The following CAND1 variants were observed in gnomAD, a reference collection of about 807,000 sequenced individuals.
CAND1 encodes the protein cullin-associated NEDD8-dissociated protein 1.
Under a neutral mutation model 108.5 loss-of-function variants are expected in CAND1, and 7 were observed. The observed-to-expected ratio is 0.06, with a 90% CI of 0.04 to 0.12. The LOEUF (loss-of-function observed/expected upper bound fraction) is 0.12. Among genes scored for constraint, CAND1 ranks in the 10% least tolerant of loss-of-function variants. The pLI is 1.00. For synonymous variants in CAND1, 534 were observed against 512.0 expected (o/e 1.04, Z -0.58); for missense variants, 941 against 1,448.7 (o/e 0.65, Z 5.69).
Position 67,292,629 on chromosome 12 carries a change from C to T in CAND1, c.220C>T (p.Pro74Ser). The T allele has an allele frequency of 6.2e-7, 1 of 1,607,654 alleles. No homozygotes were observed. Among genetic ancestry groups the T allele is most frequent in the Non-Finnish European group, 8.5e-7 (1 of 1,177,340 alleles). The change falls in exon 3 of 15, where the codon CCT becomes TCT. Residue 74 changes from proline (P) to serine (S), a missense_variant. Pro to Ser is a moderately conservative substitution (Grantham distance 74). Coordinates refer to ENST00000545606, the MANE Select transcript of CAND1 (RefSeq NM_018448.5). ...VQNLAVKCLG[P>S]LVSKVKEYQV... ...TTCTTCTTTGTATTACAGTCTTGGT[C>T]CTTTAGTGAGTAAAGTGAAAGAATA...
chr12:67,301,340 A>G (rs1474298696), intron 7 of CAND1, among the ~76,000 whole-genome samples: 2 of 152,122 alleles, frequency 1.3e-5, no homozygotes, highest in Non-Finnish European at 2.9e-5. Flanking sequence ...AGCTAATTGG[A>G]ATAAAAGCCA....
At position 67,315,410 on chromosome 12, in the gene CAND1, C is replaced by CA. The variant is rs771762556; in HGVS notation, c.*2581dup. The CA allele has an allele frequency of 6.9e-6, 1 of 144,998 alleles. No homozygotes were observed. Among genetic ancestry groups the CA allele is most frequent in the South Asian group, 2.1e-4 (1 of 4,662 alleles). 9.0% of individuals were successfully genotyped at this position (144,998 alleles called of 1,614,324 possible). On this transcript the variant is annotated 3_prime_UTR_variant, in exon 15 of 15. Transcript: ENST00000545606. ...AGCTGGCAGTGAGCCGAGATCACGCCACTGCACTCTGGCCTGGGCAACAGA... is the reference window on the plus strand; with the variant it reads ...AGCTGGCAGTGAGCCGAGATCACGCCAACTGCACTCTGGCCTGGGCAACAGA...
intron 1 of CAND1, among the ~76,000 whole-genome samples, chr12:67,276,853 T>C (rs1388676425): frequency 1.3e-5 from 2 of 152,190 alleles, no homozygotes; most frequent in African/African-American, 4.8e-5. Context: ...TGGCCAAGGG[T>C]AGACAAAGTT....
At chr12:67,311,136 C>G (rs991975895) in intron 13 of CAND1, 1 of 151,818 alleles carries the variant, frequency 6.6e-6, no homozygotes, top group Non-Finnish European at 1.5e-5. Flanking sequence ...TGGTAGTGAC[C>G]TGAGCCTCTC....
chr12:67,317,639 T>A lies in CAND1; in HGVS notation c.*4809T>A, dbSNP rs1387836107. On this transcript the variant is annotated 3_prime_UTR_variant, in exon 15 of 15. Transcript: ENST00000545606. ...CTGTGATTACAGGCGTGTGCCACCATGCCCAGCTAATTTTTGTATTTTTAG... is the reference window on the plus strand; with the variant it reads ...CTGTGATTACAGGCGTGTGCCACCAAGCCCAGCTAATTTTTGTATTTTTAG... 6.6e-6 allele frequency: 1 copy of A among 152,068 alleles called. No individual in the cohort carries two copies. The highest frequency in any genetic ancestry group is 1.9e-4 in the East Asian group (1 of 5,178). The allele number at this position is 152,068 out of a possible 1,614,324, so 9.4% of individuals were successfully genotyped here. A position where few individuals can be genotyped will look rare whatever the true frequency, so the allele number is the denominator to read the frequency against.
At chr12:67,303,854 T>C (rs11176677) in intron 8 of CAND1, among the ~76,000 whole-genome samples, 73,440 of 151,968 alleles carry the variant, frequency 0.48, 19,271 homozygotes, top group Non-Finnish European at 0.59. Flanking sequence ...GAAAAGGACC[T>C]GTTCGATGGT....
chr12:67,316,073 T>C lies in CAND1; in HGVS notation c.*3243T>C, dbSNP rs2045005064. 6.6e-6 allele frequency: 1 copy of C among 152,198 alleles called. No homozygotes were observed. Among genetic ancestry groups the C allele is most frequent in the African/African-American group, 2.4e-5 (1 of 41,452 alleles). The allele number at this position is 152,198 out of a possible 1,614,324, so 9.4% of individuals were successfully genotyped here. A position where few individuals can be genotyped will look rare whatever the true frequency, so the allele number is the denominator to read the frequency against. On this transcript the variant is annotated 3_prime_UTR_variant, in exon 15 of 15. Coordinates refer to ENST00000545606, the MANE Select transcript of CAND1 (RefSeq NM_018448.5). ...TTTTGAAATTAAAGACCTTAAACAT[T>C]TCAGCAAGTAAATTTTGGATTCTAG...
rs201425450 is a variant in CAND1 at position 67,305,612 on chromosome 12, G to A, written c.1944G>A (p.Leu648=). Residue 648 remains leucine, a synonymous_variant, in exon 10 of 15, where the codon CTG becomes CTA. Coordinates refer to ENST00000545606, the MANE Select transcript of CAND1 (RefSeq NM_018448.5). This position sits in a 1 kb window ranked among gnomAD's most constrained non-coding sequence, Gnocchi z 4.4. ...SPLKIDLRPV[L]GEGVPILASF... is the part of the protein sequence containing the mutation. ...TGAAGATAGATTTGAGGCCTGTTCT[G>A]GGAGAAGGGGTTCCTATCCTTGCTT... The A allele has an allele frequency of 3.1e-6, 5 of 1,614,004 alleles. No homozygotes were observed. The South Asian group carries it at 5.5e-5, about 18-fold the overall frequency.
intron 2 of CAND1, among the ~76,000 whole-genome samples, chr12:67,286,367 A>C (rs185696353): frequency 6.6e-6 from 1 of 152,200 alleles, no homozygotes; most frequent in Non-Finnish European, 1.5e-5. Context: ...TTAGCTTTTT[A>C]TGAAAACGCC....
intron 2 of CAND1, among the ~76,000 whole-genome samples, chr12:67,287,551 G>T (rs978737811): frequency 8.5e-5 from 13 of 152,058 alleles, no homozygotes; most frequent in Non-Finnish European, 1.6e-4. Context: ...ATCGTCATCA[G>T]TGAATATCCC....
chr12:67,292,894 G>A (rs1041256768), intron 3 of CAND1, 118 bp downstream of exon 3: 33 of 863,776 alleles, frequency 3.8e-5, no homozygotes, highest in Non-Finnish European at 6.1e-5. Flanking sequence ...GATGTTCATA[G>A]GAATCCCTTT....
intron 2 of CAND1, among the ~76,000 whole-genome samples, chr12:67,291,763 C>A (rs968020690): frequency 6.6e-6 from 1 of 152,166 alleles, no homozygotes; most frequent in Non-Finnish European, 1.5e-5. Flanking sequence ...CCATGGCACT[C>A]AAAGGGTTTT....
intron 11 of CAND1, among the ~76,000 whole-genome samples, chr12:67,307,877 C>G (rs1265719737): frequency 6.6e-6 from 1 of 151,718 alleles, no homozygotes; most frequent in African/African-American, 2.4e-5. Context: ...CCTCAAATTT[C>G]AATTATTACT....
Position 67,306,370 on chromosome 12 carries a change from G to C in CAND1, c.2702G>C (p.Ser901Thr), listed in dbSNP as rs2044885770. The change falls in exon 10 of 15, where the codon AGT (serine) becomes ACT (threonine). Residue 901 changes from serine to threonine, a missense_variant. Physicochemically the swap from Ser to Thr is moderately conservative, Grantham distance 58. Around this residue, in one of 9 missense-constraint regions of CAND1, gnomAD observed 697 missense variants for 942.0 expected, o/e 0.74. Coordinates refer to ENST00000545606, the MANE Select transcript of CAND1 (RefSeq NM_018448.5). Reference protein sequence around the residue: ...YLPFVLQEITSQPKRQYLLLH... With the variant: ...YLPFVLQEITTQPKRQYLLLH... The stretch of plus-strand genomic sequence containing the variant: ...CCGTTTGTCCTGCAAGAAATAACTA[G>C]TCAACCCAAAAGGCAGTATCTTTTA... The C allele has an allele frequency of 4.3e-6, 7 of 1,614,038 alleles. No individual in the cohort carries two copies. Among genetic ancestry groups the C allele is most frequent in the Non-Finnish European group, 5.9e-6 (7 of 1,179,960 alleles).
Position 67,299,089 on chromosome 12 carries a change from G to T in CAND1, c.994G>T (p.Asp332Tyr). 1 of 1,533,456 alleles carries T rather than the reference G, an allele frequency of 6.5e-7. No individual in the cohort carries two copies. The allele number at this position is 1,533,456 out of a possible 1,614,324, so 95.0% of individuals were successfully genotyped here. Residue 332 changes from aspartate to tyrosine, a missense_variant, in exon 7 of 15, where the codon GAT becomes TAT. Asp to Tyr is a radical substitution (Grantham distance 160, BLOSUM62 -3). Coordinates refer to ENST00000545606, the MANE Select transcript of CAND1 (RefSeq NM_018448.5). ...GGATGCTGATGGTGGTGATGATGAT[G>T]ATCAAGGTATTGCAAATTAAATAGA... Reference protein sequence around the residue: ...AMDADGGDDDDQGSDDEYSDD... With the variant: ...AMDADGGDDDYQGSDDEYSDD...
chr12:67,280,217 T>C (rs551240418), intron 1 of CAND1, among the ~76,000 whole-genome samples: 1 of 152,302 alleles, frequency 6.6e-6, no homozygotes, highest in Admixed American at 6.5e-5. Context: ...AACTATTAGG[T>C]TGGTGCAAAA....
In CAND1 at chr12:67,302,567, T is replaced by A; in HGVS notation, c.1245T>A (p.Pro415=). The part of the protein sequence containing the change: ...TRPVQSWLCD[P]DAMEQGETPL... The stretch of plus-strand genomic sequence containing the variant: ...CTGTACAAAGTTGGCTATGTGACCC[T>A]GATGCAATGGAGCAGGGAGAAACAC... Residue 415 remains proline, a synonymous_variant, in exon 8 of 15, where the codon CCT becomes CCA. Transcript: ENST00000545606. 6.2e-7 allele frequency: 1 copy of A among 1,614,138 alleles called. No homozygotes were observed. Among genetic ancestry groups the A allele is most frequent in the Non-Finnish European group, 8.5e-7 (1 of 1,179,942 alleles).
intron 7 of CAND1, among the ~76,000 whole-genome samples, chr12:67,301,132 A>G (rs974684044): frequency 6.6e-6 from 1 of 152,120 alleles, no homozygotes; most frequent in Admixed American, 6.5e-5. Flanking sequence ...TTGATAGTGT[A>G]TTTTGGCAGT....
At chr12:67,311,960 C>T in intron 14 of CAND1, among the ~76,000 whole-genome samples, 160 bp downstream of exon 14, 1 of 152,062 alleles carries the variant, frequency 6.6e-6, no homozygotes, top group Non-Finnish European at 1.5e-5. Context: ...TAAAACTTAG[C>T]CCTGTTAACG....
Sources: gnomAD v4.1 joint callset for allele counts (sites outside exome capture counted in the v4.1 genomes callset) on GRCh38, gnomAD v4.1.1 for gene constraint, gnomAD v4.1.1 regional missense constraint, Gnocchi (gnomAD v3.1) non-coding constraint, MANE v1.5 for transcripts, NCBI Gene and HGNC (gene_info 2026-07-23, HGNC 2026-07-21) for gene names.